Variants in AGBL1 observed in about 807,000 individuals in gnomAD.
AGBL1 encodes the protein AGBL carboxypeptidase 1.
In AGBL1, 130 loss-of-function variants were observed where a neutral mutation model predicts 118.9. The observed-to-expected ratio is 1.09, with a 90% CI of 0.95 to 1.26. The LOEUF is 1.26. Ranked by LOEUF, AGBL1 falls within the 50% of genes most tolerant of loss-of-function variation. AGBL1 has a pLI of 0.00. For synonymous variants in AGBL1, 555 were observed against 478.9 expected, an observed-to-expected ratio of 1.16 and a Z score of -2.08; for missense variants, 1,584 against 1,298.1, an observed-to-expected ratio of 1.22 and a Z score of -3.38.
intron 19 of AGBL1, among the ~76,000 whole-genome samples, chr15:86,532,931 C>A: frequency 1.2e-5 from 1 of 84,726 alleles, no homozygotes; most frequent in East Asian, 4.0e-4. Flanking sequence ...AAACTGGATC[C>A]CTTCCTTACA....
At chr15:86,132,796 C>T (rs1343492064) in intron 1 of AGBL1, among the ~76,000 whole-genome samples, 1 of 152,202 alleles carries the variant, frequency 6.6e-6, no homozygotes, top group Non-Finnish European at 1.5e-5. Flanking sequence ...CATGCAATCT[C>T]ACCCTCTTGA....
chr15:86,582,889 A>G (rs1183428015), intron 21 of AGBL1, among the ~76,000 whole-genome samples: 1 of 151,708 alleles, frequency 6.6e-6, no homozygotes, highest in Admixed American at 6.6e-5. Context: ...GAGGGATAGC[A>G]TTAGTAGATA....
chr15:86,715,623 C>G (rs949149241), intron 22 of AGBL1, among the ~76,000 whole-genome samples: 2 of 152,028 alleles, frequency 1.3e-5, no homozygotes, highest in African/African-American at 4.8e-5. Flanking sequence ...AAGAAGATAG[C>G]TTGGTGGATC....
chr15:86,706,927 A>T (rs2086459718), intron 22 of AGBL1, among the ~76,000 whole-genome samples: 1 of 152,136 alleles, frequency 6.6e-6, no homozygotes, highest in Non-Finnish European at 1.5e-5. Context: ...TCCTATGGAG[A>T]GTAAAAAGGG....
chr15:86,108,801 A>G (rs906350095), intron 1 of AGBL1, among the ~76,000 whole-genome samples: 2 of 152,152 alleles, frequency 1.3e-5, no homozygotes, highest in African/African-American at 4.8e-5. Context: ...TACTAAAAAT[A>G]CAAAAATTAG....
chr15:86,463,001 G>C (rs936300369), intron 18 of AGBL1, among the ~76,000 whole-genome samples: 1 of 152,134 alleles, frequency 6.6e-6, no homozygotes, highest in Non-Finnish European at 1.5e-5. Flanking sequence ...CTAGATCCTT[G>C]AGGAATAGCC....
intron 23 of AGBL1, among the ~76,000 whole-genome samples, chr15:86,971,877 C>A (rs914846819): frequency 2.1e-4 from 32 of 152,054 alleles, no homozygotes; most frequent in South Asian, 1.5e-3. Context: ...ATGATGTTCT[C>A]ATGATAGTGA....
At chr15:86,089,155 A>G (rs1360731930) in intron 1 of AGBL1, among the ~76,000 whole-genome samples, 1 of 152,204 alleles carries the variant, frequency 6.6e-6, no homozygotes, top group Non-Finnish European at 1.5e-5. Context: ...ACATTTGGCA[A>G]ATAATGGTTT....
chr15:86,326,046 G>T (rs1250149626), intron 17 of AGBL1, among the ~76,000 whole-genome samples: 4 of 152,068 alleles, frequency 2.6e-5, no homozygotes, highest in Non-Finnish European at 5.9e-5. Flanking sequence ...TTTTTTAAAG[G>T]TTCAAATGAG....
At chr15:86,967,023 TG>T (rs2081061916) in intron 23 of AGBL1, among the ~76,000 whole-genome samples, 1 of 152,206 alleles carries the variant, frequency 6.6e-6, no homozygotes, top group South Asian at 2.1e-4. Flanking sequence ...CCATTTTAAC[TG>T]GTGTGAGATG....
intron 18 of AGBL1, among the ~76,000 whole-genome samples, chr15:86,478,642 A>C (rs1459702966): frequency 6.6e-6 from 1 of 152,336 alleles, no homozygotes; most frequent in Non-Finnish European, 1.5e-5. Context: ...AATATCATGA[A>C]AATGGCCATA....
chr15:86,391,500 G>T (rs1287469630), intron 17 of AGBL1, among the ~76,000 whole-genome samples: 2 of 151,186 alleles, frequency 1.3e-5, no homozygotes, highest in Non-Finnish European at 2.9e-5. Context: ...AGGATTGCTG[G>T]ACTTCATGTT....
At chr15:86,419,825 C>T (rs1441512037) in intron 18 of AGBL1, among the ~76,000 whole-genome samples, 1 of 152,176 alleles carries the variant, frequency 6.6e-6, no homozygotes, top group African/African-American at 2.4e-5. Flanking sequence ...GTTTTCCCCT[C>T]ACAGTGTAAA....
chr15:87,003,189 G>C (rs554341064), intron 24 of AGBL1, among the ~76,000 whole-genome samples: 1 of 124,590 alleles, frequency 8.0e-6, no homozygotes, highest in South Asian at 2.2e-4. Flanking sequence ...TAGTATGAAG[G>C]GCTGTTGAAT....
chr15:86,496,920 T>C (rs1456646910), intron 18 of AGBL1, among the ~76,000 whole-genome samples: 12 of 152,016 alleles, frequency 7.9e-5, no homozygotes, highest in Admixed American at 7.9e-4. Flanking sequence ...AAATAAAAAT[T>C]GAATATACTT....
intron 22 of AGBL1, among the ~76,000 whole-genome samples, chr15:86,724,710 G>C (rs752282457): frequency 1.3e-5 from 2 of 152,158 alleles, no homozygotes; most frequent in Non-Finnish European, 2.9e-5. Context: ...GGAGGTGTTG[G>C]GGTCATGGGA....
chr15:86,937,726 A>C (rs1251438885), intron 23 of AGBL1, among the ~76,000 whole-genome samples: 2 of 152,208 alleles, frequency 1.3e-5, no homozygotes, highest in South Asian at 2.1e-4. Flanking sequence ...GTGATGAAAT[A>C]ATCTGTACAA....
intron 1 of AGBL1, among the ~76,000 whole-genome samples, chr15:86,110,899 GT>G (rs1001605781): frequency 2.0e-5 from 3 of 152,152 alleles, no homozygotes; most frequent in Non-Finnish European, 2.9e-5. Context: ...GCAGAGGTTT[GT>G]TTAGTAAACA....
chr15:86,779,551 A>C (rs2078302522), intron 22 of AGBL1, among the ~76,000 whole-genome samples: 1 of 152,088 alleles, frequency 6.6e-6, no homozygotes, highest in Non-Finnish European at 1.5e-5. Flanking sequence ...ATATGCATCT[A>C]ATTATTTGGG....
Sources: gnomAD v4.1 joint callset for allele counts (sites outside exome capture counted in the v4.1 genomes callset) on GRCh38, gnomAD v4.1.1 for gene constraint, MANE v1.5 for transcripts, NCBI Gene and HGNC (gene_info 2026-07-23, HGNC 2026-07-21) for gene names.